Variants in CTNNA3 observed in about 807,000 individuals in gnomAD.
The protein encoded by CTNNA3 is catenin alpha 3.
Under a neutral mutation model 95.7 loss-of-function variants are expected in CTNNA3, and 76 were observed. That is an observed-to-expected ratio of 0.79 (90% CI 0.66 to 0.96). The LOEUF (loss-of-function observed/expected upper bound fraction) is 0.96. CTNNA3 is among the 40% of genes least tolerant of loss of function. The pLI, the probability that CTNNA3 is intolerant of heterozygous loss-of-function variation, is 0.00. For synonymous variants in CTNNA3, 431 were observed against 374.4 expected, an observed-to-expected ratio of 1.15 and a Z score of -1.74; for missense variants, 1,191 against 1,089.8, an observed-to-expected ratio of 1.09 and a Z score of -1.31.
At chr10:65,924,277 C>A (rs2077132733) in intron 17 of CTNNA3, among the ~76,000 whole-genome samples, 1 of 152,096 alleles carries the variant, frequency 6.6e-6, no homozygotes, top group Non-Finnish European at 1.5e-5. Context: ...CTTCTCAGCA[C>A]CATCAATCAG....
chr10:66,882,399 C>T (rs2132470303), intron 7 of CTNNA3, among the ~76,000 whole-genome samples: 1 of 152,242 alleles, frequency 6.6e-6, no homozygotes, highest in South Asian at 2.1e-4. Flanking sequence ...TGAATTTCGG[C>T]CATCAAAACC....
At chr10:67,168,175 T>C (rs998160607) in intron 7 of CTNNA3, among the ~76,000 whole-genome samples, 1 of 152,076 alleles carries the variant, frequency 6.6e-6, no homozygotes, top group Non-Finnish European at 1.5e-5. Context: ...AACATCATGA[T>C]GTAGCCAAAT....
chr10:66,718,525 G>A (rs1848525339), intron 9 of CTNNA3, among the ~76,000 whole-genome samples: 1 of 151,650 alleles, frequency 6.6e-6, no homozygotes, highest in African/African-American at 2.4e-5. Context: ...AAAAAATACA[G>A]TATGCTCCCC....
At chr10:66,818,638 T>A (rs4630183) in intron 7 of CTNNA3, among the ~76,000 whole-genome samples, 86,787 of 151,972 alleles carry the variant, frequency 0.57, 24,928 homozygotes, top group Admixed American at 0.61. Context: ...GGGGAATGGA[T>A]TGGAAGAATT....
At chr10:67,679,403 T>G (rs964179764) in intron 1 of CTNNA3, among the ~76,000 whole-genome samples, 1 of 152,196 alleles carries the variant, frequency 6.6e-6, no homozygotes, top group African/African-American at 2.4e-5. Flanking sequence ...CTGAAAAACA[T>G]GCACATATTA....
intron 5 of CTNNA3, among the ~76,000 whole-genome samples, chr10:67,236,792 T>G (rs185844628): frequency 6.6e-6 from 1 of 151,928 alleles, no homozygotes; most frequent in Non-Finnish European, 1.5e-5. Context: ...ACCTTACTCC[T>G]GCAAGAATAG....
chr10:66,329,873 G>A (rs1050520955), intron 12 of CTNNA3, among the ~76,000 whole-genome samples: 8 of 151,926 alleles, frequency 5.3e-5, no homozygotes, highest in Non-Finnish European at 8.8e-5. Context: ...TGAGTTACAA[G>A]GACCCATATT....
intron 7 of CTNNA3, among the ~76,000 whole-genome samples, chr10:67,074,532 A>G (rs1856647490): frequency 6.6e-6 from 1 of 150,602 alleles, no homozygotes; most frequent in Admixed American, 6.6e-5. Context: ...CTGTATTTTT[A>G]GTAGAGATGG....
At chr10:66,710,479 T>C (rs935282723) in intron 9 of CTNNA3, among the ~76,000 whole-genome samples, 2 of 151,966 alleles carry the variant, frequency 1.3e-5, no homozygotes, top group Non-Finnish European at 2.9e-5. Context: ...GCTAGAATGA[T>C]GGAATGGCCT....
At chr10:66,725,911 T>A (rs1025230945) in intron 9 of CTNNA3, among the ~76,000 whole-genome samples, 1 of 152,136 alleles carries the variant, frequency 6.6e-6, no homozygotes, top group Non-Finnish European at 1.5e-5. Context: ...GAGATATCAC[T>A]AAGTCTTTTT....
chr10:67,142,625 G>A (rs10997530), intron 7 of CTNNA3, among the ~76,000 whole-genome samples: 78,604 of 151,948 alleles, frequency 0.52, 20,476 homozygotes, highest in Middle Eastern at 0.65. Flanking sequence ...AAAAATGTAC[G>A]TACCTTATTT....
At chr10:66,437,181 T>C (rs561781043) in intron 11 of CTNNA3, among the ~76,000 whole-genome samples, 1 of 152,270 alleles carries the variant, frequency 6.6e-6, no homozygotes, top group Admixed American at 6.5e-5. Flanking sequence ...GTTGCTCTTC[T>C]CAAGGATTAT....
At chr10:66,121,642 G>A (rs547622079) in intron 13 of CTNNA3, among the ~76,000 whole-genome samples, 12 of 152,176 alleles carry the variant, frequency 7.9e-5, no homozygotes, top group Non-Finnish European at 1.3e-4. Context: ...TTGAGGTGAA[G>A]AGTTCAAGAG....
intron 13 of CTNNA3, among the ~76,000 whole-genome samples, chr10:66,244,421 G>A (rs2090227161): frequency 6.6e-6 from 1 of 151,960 alleles, no homozygotes; most frequent in Admixed American, 6.5e-5. Flanking sequence ...CCAGGTAGTA[G>A]TTACAGTGGG....
At chr10:66,532,059 G>A (rs1841483959) in intron 10 of CTNNA3, among the ~76,000 whole-genome samples, 1 of 152,012 alleles carries the variant, frequency 6.6e-6, no homozygotes, top group African/African-American at 2.4e-5. Flanking sequence ...CATCTACAAA[G>A]TTTCTCTTTA....
chr10:66,153,825 C>T (rs1300026626), intron 13 of CTNNA3, among the ~76,000 whole-genome samples: 1 of 149,090 alleles, frequency 6.7e-6, no homozygotes, highest in Non-Finnish European at 1.5e-5. Flanking sequence ...TCCAAATCTG[C>T]CTCTGATACT....
intron 11 of CTNNA3, among the ~76,000 whole-genome samples, chr10:66,440,149 T>A (rs2093365334): frequency 1.3e-5 from 2 of 152,122 alleles, no homozygotes; most frequent in Non-Finnish European, 2.9e-5. Flanking sequence ...TGCAATTATA[T>A]CTCCACTTTA....
At chr10:65,932,222 G>C (rs551322681) in intron 17 of CTNNA3, among the ~76,000 whole-genome samples, 1 of 152,218 alleles carries the variant, frequency 6.6e-6, no homozygotes, top group Admixed American at 6.5e-5. Flanking sequence ...TTGTCAGAAG[G>C]ACAGAACGTG....
chr10:66,776,223 G>A (rs4387240), intron 7 of CTNNA3, among the ~76,000 whole-genome samples: 112,499 of 152,062 alleles, frequency 0.74, 41,938 homozygotes, highest in Admixed American at 0.79. Context: ...CAAGACAACT[G>A]GATTAAATCT....
Sources: allele counts gnomAD v4.1 joint callset (sites outside exome capture counted in the v4.1 genomes callset), GRCh38; gene constraint gnomAD v4.1.1; transcripts MANE v1.5; gene names NCBI Gene and HGNC (gene_info 2026-07-23, HGNC 2026-07-21).